VAV2: variants seen among roughly 807,000 people sequenced by gnomAD.
VAV2 encodes guanine nucleotide exchange factor VAV2.
Under a neutral mutation model 132.5 loss-of-function variants are expected in VAV2, and 67 were observed. The ratio of observed to expected loss-of-function variants is 0.51; its 90% confidence interval spans 0.42 to 0.62. VAV2 has a LOEUF of 0.62. Ranked by LOEUF, VAV2 falls within the 20% of genes least tolerant of loss-of-function variation. The probability of loss-of-function intolerance (pLI) is 0.00; values close to 1 mark genes in which losing one functional copy is unlikely to be tolerated. For missense variants in VAV2, 938 were observed against 1,153.6 expected, an observed-to-expected ratio of 0.81 and a Z score of 2.71; for synonymous variants, 492 against 443.5, an observed-to-expected ratio of 1.11 and a Z score of -1.37.
Position 133,825,252 on chromosome 9 carries a change from A to G in VAV2, c.449+9020T>C, listed in dbSNP as rs920890258. On this transcript the variant is annotated intron_variant, in intron 4 of 29. Transcript: ENST00000371850. ...TCCCGGCCATCACCCGCCTTAAGAA[A>G]CGCCCCGTCTTCCGTCTCTCCAGTC... Among the ~76,000 whole-genome samples the G allele has an allele frequency of 4.6e-5, 7 of 151,692 alleles. No individual in the cohort carries two copies. The East Asian group carries it at 1.4e-3, about 30-fold the overall frequency.
At position 133,905,167 on chromosome 9, in the gene VAV2, G is replaced by A. The variant is rs576135300; in HGVS notation, c.321+33936C>T. 2.1e-4 allele frequency among the ~76,000 whole-genome samples: 32 copies of A among 152,106 alleles called. 1 individual carries two copies. The highest frequency in any genetic ancestry group is 1.5e-3 in the South Asian group (7 of 4,814). On this transcript the variant is annotated intron_variant, in intron 2 of 29. Transcript: ENST00000371850. ...GGCTCAGCCGGGCGCGGTGGCTCAC[G>A]CCTGTAATCCCAGCACTTCGGAAGG...
chr9:133,827,699 ACCG>A lies in VAV2; in HGVS notation c.449+6570_449+6572del, dbSNP rs1836082036. Among the ~76,000 whole-genome samples, 4 of 51,474 alleles carry A rather than the reference ACCG, an allele frequency of 7.8e-5. 1 individual carries two copies. Among genetic ancestry groups the A allele is most frequent in the Non-Finnish European group, 1.2e-4 (2 of 17,232 alleles). The allele number at this position is 51,474 out of a possible 152,430, so 33.8% of individuals were successfully genotyped here. A position where few individuals can be genotyped will look rare whatever the true frequency, so the allele number is the denominator to read the frequency against. ...CCACTGAGCACGGGCATCGCCAGCT[ACCG>A]CTGCGCCCACTGGGGCTGACCACTG... On this transcript the variant is annotated intron_variant, in intron 4 of 29. Coordinates refer to ENST00000371850, the MANE Select transcript of VAV2 (RefSeq NM_001134398.2).
In VAV2 at chr9:133,961,602, C is replaced by T. The variant is rs555160161; in HGVS notation, c.205-22383G>A. Among the ~76,000 whole-genome samples, 2 of 152,194 alleles carry T rather than the reference C, an allele frequency of 1.3e-5. No homozygotes were observed. Among genetic ancestry groups the T allele is most frequent in the Admixed American group, 1.3e-4 (2 of 15,290 alleles). ...TGCCCTCTGACCTCACAAAGACCCA[C>T]GGGGCTGGTTTGGGAGGCCCAGCCC... On this transcript the variant is annotated intron_variant, in intron 1 of 29. Transcript: ENST00000371850. This position sits in a 1 kb window ranked among gnomAD's most constrained non-coding sequence, Gnocchi z 4.1.
chr9:133,789,801 G>A (rs184567614), intron 13 of VAV2, among the ~76,000 whole-genome samples: 133 of 152,356 alleles, frequency 8.7e-4, no homozygotes, highest in East Asian at 4.4e-3. Context: ...TGTGTGGTTC[G>A]CTGAGGTTCA....
intron 2 of VAV2, among the ~76,000 whole-genome samples, chr9:133,901,276 C>T (rs12345307): frequency 0.084 from 12,748 of 152,224 alleles, 986 homozygotes; most frequent in African/African-American, 0.21. Flanking sequence ...TTCAACAGGC[C>T]GGCTACCCAC....
At chr9:133,785,954 T>A in intron 16 of VAV2, 69 bp from the exon 17 acceptor site, 1 of 1,377,610 alleles carries the variant, frequency 7.3e-7, no homozygotes, top group Non-Finnish European at 1.0e-6. Flanking sequence ...TGTCCACGTG[T>A]ACTCTCGCCT....
intron 1 of VAV2, among the ~76,000 whole-genome samples, chr9:133,962,201 G>A (rs1053423727): frequency 6.6e-6 from 1 of 152,142 alleles, no homozygotes; most frequent in African/African-American, 2.4e-5. Flanking sequence ...AGGATCTCAA[G>A]ATGAGGCCAC....
rs1320725964 is a variant in VAV2, at chr9:133,769,504, C to A, written c.2348-1G>T. The A allele has an allele frequency of 1.2e-6, 2 of 1,611,048 alleles. No individual in the cohort carries two copies. The highest frequency in any genetic ancestry group is 3.4e-5 in the Admixed American group (2 of 59,648). ...GAAAAGTTGTAGGAAGCACAGGAAG[C>A]TGCAAAGAGGCGAGAGAGAACGTGA... On this transcript the variant is annotated splice_acceptor_variant, in intron 27 of 29. Coordinates refer to ENST00000371850, the MANE Select transcript of VAV2 (RefSeq NM_001134398.2). LOFTEE classifies it high-confidence loss of function. This position sits in a 1 kb window ranked among gnomAD's most constrained non-coding sequence, Gnocchi z 8.1.
At chr9:133,789,577 T>C (rs12552391) in intron 13 of VAV2, among the ~76,000 whole-genome samples, 1,875 of 152,300 alleles carry the variant, frequency 0.012, 35 homozygotes, top group Admixed American at 0.045. Flanking sequence ...TGGCCAGCCC[T>C]GCCAAGGGGC....
At chr9:133,964,026 T>TATAC (rs1842048821) in intron 1 of VAV2, among the ~76,000 whole-genome samples, 1 of 76,628 alleles carries the variant, frequency 1.3e-5, no homozygotes, top group African/African-American at 4.6e-5. Context: ...TTCATTCATA[T>TATAC]ATATATATAT....
intron 4 of VAV2, among the ~76,000 whole-genome samples, chr9:133,814,183 T>C (rs1226299744): frequency 6.6e-6 from 1 of 152,208 alleles, no homozygotes; most frequent in Admixed American, 6.5e-5. Flanking sequence ...CAGGTTTTCT[T>C]ACTAACCCAT....
chr9:133,967,302 C>A (rs1842173813), intron 1 of VAV2, among the ~76,000 whole-genome samples: 1 of 152,132 alleles, frequency 6.6e-6, no homozygotes, highest in Non-Finnish European at 1.5e-5. Flanking sequence ...TAGTACACTG[C>A]TGGTCAGAAC....
At chr9:133,937,416 CTG>C (rs1840953443) in intron 2 of VAV2, among the ~76,000 whole-genome samples, 1 of 56,896 alleles carries the variant, frequency 1.8e-5, no homozygotes, top group African/African-American at 4.3e-5. Flanking sequence ...GTGTGTGAGA[CTG>C]TATGTCTGTG....
chr9:133,814,292 A>C (rs1281732088), intron 4 of VAV2, among the ~76,000 whole-genome samples: 1 of 152,208 alleles, frequency 6.6e-6, no homozygotes, highest in Non-Finnish European at 1.5e-5. Flanking sequence ...TGCTGTCCCC[A>C]AGGACACAGC....
chr9:133,974,279 C>A (rs1434928409), intron 1 of VAV2, among the ~76,000 whole-genome samples: 2 of 152,160 alleles, frequency 1.3e-5, no homozygotes, highest in Non-Finnish European at 2.9e-5. Context: ...TGAGTGAATA[C>A]CCAGGCCCAC....
chr9:133,764,027 A>C lies in VAV2; in HGVS notation c.*35T>G. ...ACTTCAGGGCTGGAGTGACTCTCCC[A>C]AGAAAATCTGCGAGTCTTGTCCACG... On this transcript the variant is annotated 3_prime_UTR_variant, in exon 30 of 30. Coordinates refer to ENST00000371850, the MANE Select transcript of VAV2 (RefSeq NM_001134398.2). 1 of 1,613,968 alleles carries C rather than the reference A, an allele frequency of 6.2e-7. No homozygotes were observed. The highest frequency in any genetic ancestry group is 1.3e-5 in the African/African-American group (1 of 75,028).
intron 2 of VAV2, among the ~76,000 whole-genome samples, chr9:133,869,275 A>C (rs1346505505): frequency 6.6e-6 from 1 of 152,062 alleles, no homozygotes; most frequent in Non-Finnish European, 1.5e-5. Flanking sequence ...GGCAGGAGCC[A>C]CCACACCCAG....
In VAV2 at chr9:133,991,731, C is replaced by T. The variant is rs1843026939; in HGVS notation, c.204+344G>A. 6.6e-6 allele frequency among the ~76,000 whole-genome samples: 1 copy of T among 151,360 alleles called. No homozygotes were observed. Among genetic ancestry groups the T allele is most frequent in the Non-Finnish European group, 1.5e-5 (1 of 67,742 alleles). On this transcript the variant is annotated intron_variant, in intron 1 of 29. Transcript: ENST00000371850. This position sits in a 1 kb window ranked among gnomAD's most constrained non-coding sequence, Gnocchi z 4.8. ...ACGCGCACACCCGGCTCGGCAGGCTCCCTGGGAAATGAGGGGCCACTCGCA... is the reference window on the plus strand; with the variant it reads ...ACGCGCACACCCGGCTCGGCAGGCTTCCTGGGAAATGAGGGGCCACTCGCA...
At chr9:133,983,715 A>G (rs888639162) in intron 1 of VAV2, among the ~76,000 whole-genome samples, 16 of 152,030 alleles carry the variant, frequency 1.1e-4, no homozygotes, top group Admixed American at 2.6e-4. Flanking sequence ...CCCAGGCCTG[A>G]GCCTGGAATC....
Sources: gnomAD v4.1 joint callset for allele counts (sites outside exome capture counted in the v4.1 genomes callset) on GRCh38, gnomAD v4.1.1 for gene constraint, Gnocchi (gnomAD v3.1) non-coding constraint, MANE v1.5 for transcripts, NCBI Gene and HGNC (gene_info 2026-07-23, HGNC 2026-07-21) for gene names.